Variants in ATXN7 observed in about 807,000 individuals in gnomAD.
ATXN7 encodes the protein ataxin-7.
ATXN7 carries 12 observed loss-of-function variants against 70.5 expected under a neutral mutation model. The observed-to-expected ratio is 0.17, with a 90% CI of 0.11 to 0.28. The LOEUF (loss-of-function observed/expected upper bound fraction) is 0.28, where lower values mean the gene tolerates loss of function less well. ATXN7 is among the 10% of genes least tolerant of loss of function. The pLI is 1.00. For synonymous variants in ATXN7, 498 were observed against 448.7 expected (o/e 1.11, Z -1.39); for missense variants, 1,256 against 1,131.7 (o/e 1.11, Z -1.58).
In ATXN7 at chr3:63,982,288, A is replaced by T. The variant is rs754891209; in HGVS notation, c.855A>T (p.Leu285Phe). 6.2e-7 allele frequency: 1 copy of T among 1,614,182 alleles called. No individual in the cohort carries two copies. The highest frequency in any genetic ancestry group is 8.5e-7 in the Non-Finnish European group (1 of 1,180,030). ...CCTGTCCTGCTACTGTGAGTTCCTT[A>T]GTCAAGCCTGGCCTTAACTGCCCCT... ...GPTCPATVSS[L>F]VKPGLNCPSI... is the part of the protein sequence containing the mutation. Residue 285 changes from leucine (L) to phenylalanine (F), a missense_variant, in exon 7 of 13, where the codon TTA becomes TTT. Leu to Phe is a conservative substitution (Grantham distance 22). Transcript: ENST00000674280.
chr3:63,967,695 C>T, intron 5 of ATXN7: 1 of 1,110,694 alleles, frequency 9.0e-7, no homozygotes, highest in East Asian at 3.0e-5. Context: ...TTTACACCAG[C>T]CAGGACGCCT....
chr3:63,886,807 T>C (rs917302949), intron 1 of ATXN7, among the ~76,000 whole-genome samples: 2 of 152,170 alleles, frequency 1.3e-5, no homozygotes, highest in African/African-American at 4.8e-5. Context: ...CTTATTATGG[T>C]GTAAAGTGGG....
rs187010187 is a variant in ATXN7, at chr3:63,971,247, A to G, written c.500-8668A>G. ...GCTCTGGAGTTGCCTCCCAGCCCCA[A>G]TTTTGGCTAATTGTCCTTTGAGGCA... On this transcript the variant is annotated intron_variant, in intron 5 of 12. Transcript: ENST00000674280. Among the ~76,000 whole-genome samples the G allele has an allele frequency of 4.0e-3, 605 of 152,260 alleles. 1 individual carries two copies. Among genetic ancestry groups the G allele is most frequent in the Non-Finnish European group, 5.9e-3 (401 of 68,024 alleles).
intron 1 of ATXN7, among the ~76,000 whole-genome samples, chr3:63,870,809 A>G (rs185759740): frequency 1.6e-4 from 24 of 152,178 alleles, no homozygotes; most frequent in Admixed American, 1.2e-3. Flanking sequence ...GGCCTTCCCT[A>G]TTCCCTTTCT....
At chr3:63,882,324 C>CT (rs1489516523) in intron 1 of ATXN7, among the ~76,000 whole-genome samples, 5 of 151,206 alleles carry the variant, frequency 3.3e-5, no homozygotes, top group Non-Finnish European at 4.4e-5. Context: ...ATAAAATGAA[C>CT]TTTTAGGCAA....
rs1702325235 is a variant in ATXN7 at position 63,864,062 on chromosome 3, G to A, written c.-207G>A. On this transcript the variant is annotated 5_prime_UTR_variant, in exon 1 of 13. Transcript: ENST00000674280. ...TTGGGGCGAGGCTTGGCGGCCGGCGGCGGCCCCGGCTGCAGCCCGGGCTCC... is the reference window on the plus strand; with the variant it reads ...TTGGGGCGAGGCTTGGCGGCCGGCGACGGCCCCGGCTGCAGCCCGGGCTCC... 6.9e-6 allele frequency among the ~76,000 whole-genome samples: 1 copy of A among 145,506 alleles called. No individual in the cohort carries two copies. Among genetic ancestry groups the A allele is most frequent in the Non-Finnish European group, 1.5e-5 (1 of 65,486 alleles).
chr3:63,946,469 C>A (rs1204885741), intron 4 of ATXN7, among the ~76,000 whole-genome samples: 1 of 152,040 alleles, frequency 6.6e-6, no homozygotes, highest in East Asian at 1.9e-4. Context: ...GAAACCCGTT[C>A]TCTACTAAAA....
chr3:63,965,425 T>C (rs1230387625), intron 5 of ATXN7, among the ~76,000 whole-genome samples: 11 of 152,198 alleles, frequency 7.2e-5, no homozygotes, highest in Admixed American at 7.2e-4. Flanking sequence ...CAAGTTTGCC[T>C]GTTTGCTGCG....
chr3:63,980,116 A>G lies in ATXN7; in HGVS notation c.701A>G (p.Asn234Ser), dbSNP rs774117570. The change falls in exon 6 of 13, where the codon AAC becomes AGC. Residue 234 changes from asparagine (N) to serine (S), a missense_variant. By Grantham distance (46) the Asn-to-Ser change is conservative. Transcript: ENST00000674280. ...SPKEKLQLRG[N>S]TRPMHPIQQS... ...AAAGAGAAACTGCAGCTCAGGGGGA[A>G]CACCAGGCCAATGCATCCCATTCAG... 6.8e-6 allele frequency: 11 copies of G among 1,614,200 alleles called. No individual in the cohort carries two copies. Among genetic ancestry groups the G allele is most frequent in the Non-Finnish European group, 9.3e-6 (11 of 1,180,032 alleles).
At chr3:63,964,401 A>T (rs969915654) in intron 5 of ATXN7, among the ~76,000 whole-genome samples, 8 of 152,180 alleles carry the variant, frequency 5.3e-5, no homozygotes, top group African/African-American at 1.9e-4. Flanking sequence ...AACTATGGCC[A>T]GTTTTGTTTC....
Position 63,982,211 on chromosome 3 carries a change from A to G in ATXN7, c.778A>G (p.Lys260Glu), listed in dbSNP as rs1165608683. Residue 260 changes from lysine (K) to glutamate (E), a missense_variant, in exon 7 of 13, where the codon AAG becomes GAG. Physicochemically the swap from Lys to Glu is moderately conservative, Grantham distance 56. Coordinates refer to ENST00000674280, the MANE Select transcript of ATXN7 (RefSeq NM_001377405.1). ...RIMTPSVKVE[K>E]IHPKMDGTLL... The stretch of plus-strand genomic sequence containing the variant: ...CATGACACCCTCTGTGAAAGTGGAA[A>G]AGATTCATCCGAAAATGGATGGCAC... 2 of 1,614,126 alleles carry G rather than the reference A, an allele frequency of 1.2e-6. No homozygotes were observed. Among genetic ancestry groups the G allele is most frequent in the Admixed American group, 3.3e-5 (2 of 60,000 alleles).
intron 9 of ATXN7, among the ~76,000 whole-genome samples, chr3:63,989,538 G>A (rs973797054): frequency 6.6e-6 from 1 of 151,560 alleles, no homozygotes; most frequent in African/African-American, 2.4e-5. Context: ...AAGAAAAATT[G>A]TGTCGTACTG....
At chr3:63,884,223 ACACACACACACACACACATACTCT>A (rs1485491289) in intron 1 of ATXN7, among the ~76,000 whole-genome samples, 1 of 147,662 alleles carries the variant, frequency 6.8e-6, no homozygotes, top group African/African-American at 2.5e-5. Context: ...ACACACACAC[ACACACACACACACACACATACTCT>A]CACACACACA....
At chr3:63,980,530 C>A in intron 6 of ATXN7, 1 of 217,280 alleles carries the variant, frequency 4.6e-6, no homozygotes, top group Non-Finnish European at 9.4e-6. Context: ...GGAGTTTTGT[C>A]CAAAAAGGCC....
At chr3:63,911,510 A>G (rs1183444538) in intron 2 of ATXN7, 1 of 152,200 alleles carries the variant, frequency 6.6e-6, no homozygotes, top group Non-Finnish European at 1.5e-5. Context: ...AGGACTAACA[A>G]CTCAAGTTAA....
At chr3:63,884,512 G>GTATATACA (rs1703022125) in intron 1 of ATXN7, among the ~76,000 whole-genome samples, 3 of 151,958 alleles carry the variant, frequency 2.0e-5, no homozygotes, top group Non-Finnish European at 4.4e-5. Flanking sequence ...AGGCCATACT[G>GTATATACA]GTATAAATAA....
intron 2 of ATXN7, chr3:63,903,773 G>A (rs1044227952): frequency 6.6e-6 from 1 of 152,202 alleles, no homozygotes; most frequent in Non-Finnish European, 1.5e-5. Flanking sequence ...TGGCAGAGAT[G>A]GGTTCCAGGA....
chr3:63,934,117 C>T (rs1378336946), intron 4 of ATXN7, among the ~76,000 whole-genome samples: 1 of 152,128 alleles, frequency 6.6e-6, no homozygotes, highest in Non-Finnish European at 1.5e-5. Context: ...ACACTGTATT[C>T]GTATTGAGAA....
chr3:63,947,181 T>G (rs1338104969), intron 4 of ATXN7, among the ~76,000 whole-genome samples: 1 of 152,232 alleles, frequency 6.6e-6, no homozygotes, highest in Non-Finnish European at 1.5e-5. Context: ...GAGTGAGCAC[T>G]TCCTAGGGCC....
Sources: allele counts gnomAD v4.1 joint callset (sites outside exome capture counted in the v4.1 genomes callset), GRCh38; gene constraint gnomAD v4.1.1; transcripts MANE v1.5; gene names NCBI Gene and HGNC (gene_info 2026-07-23, HGNC 2026-07-21).